Variants in SGCD observed in about 807,000 individuals in gnomAD.
SGCD encodes delta-sarcoglycan.
In SGCD, 18 loss-of-function variants were observed where a neutral mutation model predicts 36.6. That is an observed-to-expected ratio of 0.49 (90% CI 0.34 to 0.73). The LOEUF is 0.73. SGCD is among the 30% of genes least tolerant of loss of function. SGCD has a pLI of 0.01. For missense variants in SGCD, 387 were observed against 346.7 expected, an observed-to-expected ratio of 1.12 and a Z score of -0.92; for synonymous variants, 133 against 130.6, an observed-to-expected ratio of 1.02 and a Z score of -0.12.
chr5:156,756,540 TAAGAAA>T (rs756045089), intron 7 of SGCD, among the ~76,000 whole-genome samples: 9 of 152,158 alleles, frequency 5.9e-5, no homozygotes, highest in Admixed American at 1.3e-4. Flanking sequence ...ACCCTGTTTC[TAAGAAA>T]AAGAAAAATA....
At chr5:156,648,545 A>T (rs190423496) in intron 7 of SGCD, among the ~76,000 whole-genome samples, 1 of 152,158 alleles carries the variant, frequency 6.6e-6, no homozygotes, top group Non-Finnish European at 1.5e-5. Flanking sequence ...TGCAAAGCCT[A>T]TAAGTCTGGA....
intron 6 of SGCD, among the ~76,000 whole-genome samples, chr5:156,605,602 T>A (rs544427060): frequency 8.1e-4 from 124 of 152,344 alleles, no homozygotes; most frequent in Admixed American, 3.1e-3. Context: ...TTTCTAATTC[T>A]AGATCCCTGA....
chr5:155,972,169 T>C (rs1453245067), intron 1 of SGCD, among the ~76,000 whole-genome samples: 1 of 152,170 alleles, frequency 6.6e-6, no homozygotes, highest in African/African-American at 2.4e-5. Context: ...CCATTTCTAA[T>C]TGAGGAAAAG....
chr5:156,732,488 G>T (rs1394065803), intron 7 of SGCD, among the ~76,000 whole-genome samples: 1 of 152,138 alleles, frequency 6.6e-6, no homozygotes, highest in Non-Finnish European at 1.5e-5. Context: ...TGTGCTGCTG[G>T]ATTCAGTTTG....
chr5:156,493,528 AG>A (rs1238625341), intron 3 of SGCD, among the ~76,000 whole-genome samples: 3 of 152,206 alleles, frequency 2.0e-5, no homozygotes, highest in East Asian at 3.9e-4. Flanking sequence ...CTTCTTGTTG[AG>A]GGAATTACCC....
At chr5:156,642,213 C>A (rs1357917880) in intron 6 of SGCD, among the ~76,000 whole-genome samples, 1 of 152,090 alleles carries the variant, frequency 6.6e-6, no homozygotes, top group Non-Finnish European at 1.5e-5. Context: ...TTCCCAAACG[C>A]CCCACCTCCT....
rs183605449 is a variant in SGCD, at chr5:156,445,479, G to A, written c.193-63122G>A. The stretch of plus-strand genomic sequence containing the variant: ...TCAGCTTTAGAAAGGGAAGGGAGAA[G>A]TAGAGCTATAACTTCTCACTTTGAT... On this transcript the variant is annotated intron_variant, in intron 3 of 8. Coordinates refer to ENST00000337851, the MANE Select transcript of SGCD (RefSeq NM_000337.6). 3.3e-5 allele frequency among the ~76,000 whole-genome samples: 5 copies of A among 152,278 alleles called. No individual in the cohort carries two copies. The South Asian group carries it at 1.0e-3, about 32-fold the overall frequency.
At chr5:155,806,983 T>G in the SGCD span, among the ~76,000 whole-genome samples, 1 of 152,220 alleles carries the variant, frequency 6.6e-6, no homozygotes, top group African/African-American at 2.4e-5. Flanking sequence ...ACAATAGCTG[T>G]GAATGAGCAA....
chr5:156,008,944 A>G (rs549677940), intron 1 of SGCD, among the ~76,000 whole-genome samples: 94 of 152,334 alleles, frequency 6.2e-4, no homozygotes, highest in African/African-American at 2.1e-3. Context: ...TCATATTTTA[A>G]TGCTTTGGAA....
chr5:155,765,506 CAATCTAATAT>C, the SGCD span, among the ~76,000 whole-genome samples: 33 of 151,868 alleles, frequency 2.2e-4, no homozygotes, highest in Admixed American at 1.6e-3. Context: ...GCCATATAGG[CAATCTAATAT>C]AATCTAATAT....
chr5:156,111,081 G>A (rs191131195), intron 1 of SGCD, among the ~76,000 whole-genome samples: 32 of 152,286 alleles, frequency 2.1e-4, no homozygotes, highest in African/African-American at 7.2e-4. Context: ...TGGGCAGATG[G>A]ACACAACCTC....
intron 1 of SGCD, among the ~76,000 whole-genome samples, chr5:156,056,050 A>G (rs1383958129): frequency 1.4e-5 from 2 of 146,650 alleles, no homozygotes; most frequent in African/African-American, 4.9e-5. Context: ...TCAGTCAGAA[A>G]TAGTGACAAA....
At chr5:156,040,126 A>G (rs1490110846) in intron 1 of SGCD, among the ~76,000 whole-genome samples, 1 of 152,092 alleles carries the variant, frequency 6.6e-6, no homozygotes, top group Non-Finnish European at 1.5e-5. Context: ...ATACAGAGGT[A>G]AGCGCTGTAT....
intron 1 of SGCD, among the ~76,000 whole-genome samples, chr5:155,894,364 C>G (rs951192376): frequency 2.0e-5 from 3 of 152,046 alleles, no homozygotes; most frequent in African/African-American, 7.3e-5. Flanking sequence ...CATCCTTGAC[C>G]GAAACATCAT....
the SGCD span, among the ~76,000 whole-genome samples, chr5:155,785,870 C>T: frequency 1.3e-5 from 2 of 152,066 alleles, no homozygotes; most frequent in African/African-American, 4.8e-5. Context: ...TATAAATAAC[C>T]TGTGTGGTCC....
intron 3 of SGCD, among the ~76,000 whole-genome samples, chr5:156,491,454 A>G (rs1755932688): frequency 6.6e-6 from 1 of 152,104 alleles, no homozygotes; most frequent in African/African-American, 2.4e-5. Context: ...CAAAGCTGTA[A>G]TAACCCAAAT....
intron 3 of SGCD, among the ~76,000 whole-genome samples, chr5:156,226,570 T>G (rs1467111225): frequency 6.6e-6 from 1 of 152,186 alleles, no homozygotes; most frequent in Non-Finnish European, 1.5e-5. Flanking sequence ...TCATTTCCTC[T>G]GGGTAGATAC....
At chr5:156,537,524 C>T (rs1758171375) in intron 4 of SGCD, among the ~76,000 whole-genome samples, 1 of 146,716 alleles carries the variant, frequency 6.8e-6, no homozygotes, top group Non-Finnish European at 1.5e-5. Context: ...TATATATTTT[C>T]ACAGGTCCCC....
intron 3 of SGCD, among the ~76,000 whole-genome samples, chr5:156,275,742 A>G (rs1438705180): frequency 6.6e-6 from 1 of 152,126 alleles, no homozygotes; most frequent in Non-Finnish European, 1.5e-5. Flanking sequence ...GAATTGCTAC[A>G]CCTACTCTTA....
Sources: allele counts gnomAD v4.1 joint callset (sites outside exome capture counted in the v4.1 genomes callset), GRCh38; gene constraint gnomAD v4.1.1; transcripts MANE v1.5; gene names NCBI Gene and HGNC (gene_info 2026-07-23, HGNC 2026-07-21).